ZNF226: variants seen among roughly 807,000 people sequenced by gnomAD.
ZNF226 encodes the protein Kruppel-associated box protein.
In ZNF226, 6 loss-of-function variants were observed where a neutral mutation model predicts 11.4. The observed-to-expected ratio is 0.53, with a 90% CI of 0.29 to 1.04. ZNF226 has a LOEUF of 1.04. Among genes scored for constraint, ZNF226 ranks in the 50% least tolerant of loss-of-function variants. The probability of loss-of-function intolerance (pLI) is 0.08; values close to 1 mark genes in which losing one functional copy is unlikely to be tolerated. For synonymous variants in ZNF226, 350 were observed against 322.8 expected (o/e 1.08, Z -0.90); for missense variants, 1,058 against 956.5 (o/e 1.11, Z -1.40).
the ZNF226 span, among the ~76,000 whole-genome samples, chr19:44,195,823 A>G: frequency 6.6e-6 from 1 of 152,224 alleles, no homozygotes; most frequent in Admixed American, 6.5e-5. Flanking sequence ...CCAGTCTTTT[A>G]GTCCATACAT....
At chr19:44,196,042 T>C in the ZNF226 span, among the ~76,000 whole-genome samples, 1 of 152,032 alleles carries the variant, frequency 6.6e-6, no homozygotes, top group African/African-American at 2.4e-5. Flanking sequence ...TCATAGTTTT[T>C]TTTTTTCCCA....
chr19:44,172,171 C>T lies in ZNF226; in HGVS notation c.99C>T (p.Tyr33=), dbSNP rs751816926. ...GLLGPAQRKL[Y]RDVMVENFRN... Reference sequence around the variant, plus strand: ...TGGGCCCTGCCCAGAGGAAGCTGTACCGAGATGTGATGGTGGAGAACTTTA... The same window carrying T: ...TGGGCCCTGCCCAGAGGAAGCTGTATCGAGATGTGATGGTGGAGAACTTTA... The change falls in exon 4 of 6, where the codon TAC becomes TAT. Residue 33 remains tyrosine (Y), a synonymous_variant. Transcript: ENST00000337433. 1 of 1,612,970 alleles carries T rather than the reference C, an allele frequency of 6.2e-7. No homozygotes were observed. The highest frequency in any genetic ancestry group is 8.5e-7 in the Non-Finnish European group (1 of 1,179,296).
the ZNF226 span, among the ~76,000 whole-genome samples, chr19:44,184,761 T>C: frequency 6.6e-6 from 1 of 152,164 alleles, no homozygotes; most frequent in Admixed American, 6.5e-5. Context: ...TTTATTATGG[T>C]ACAAAAACAC....
intron 4 of ZNF226, chr19:44,172,621 T>A (rs1970234901): frequency 2.0e-6 from 1 of 505,006 alleles, no homozygotes; most frequent in Non-Finnish European, 3.5e-6. Context: ...AATGGGAGAT[T>A]TAAGGAAAAC....
At chr19:44,168,135 G>GT (rs1365063058) in intron 2 of ZNF226, among the ~76,000 whole-genome samples, 1 of 151,804 alleles carries the variant, frequency 6.6e-6, no homozygotes, top group Non-Finnish European at 1.5e-5. Context: ...AAGCTGTTTT[G>GT]TTTTTTTCTT....
At chr19:44,173,022 G>GC (rs1970285709) in intron 5 of ZNF226, 70 bp downstream of exon 5, 1 of 1,422,570 alleles carries the variant, frequency 7.0e-7, no homozygotes, top group Admixed American at 2.0e-5. Flanking sequence ...TAGCCTTGTT[G>GC]CCATCACCTG....
At chr19:44,193,993 T>A in the ZNF226 span, among the ~76,000 whole-genome samples, 10 of 152,322 alleles carry the variant, frequency 6.6e-5, no homozygotes, top group South Asian at 2.1e-3. Context: ...GCCCAAAAAT[T>A]TTGTCAAAAG....
chr19:44,178,935 T>C (rs912867051), downstream of ZNF226, among the ~76,000 whole-genome samples: 1 of 152,186 alleles, frequency 6.6e-6, no homozygotes. Flanking sequence ...ATCCCCGTAC[T>C]TTGGGAGGCC....
chr19:44,172,070 C>T lies in ZNF226; in HGVS notation c.16-18C>T, dbSNP rs1332555102. The T allele has an allele frequency of 1.2e-6, 2 of 1,607,208 alleles. No individual in the cohort carries two copies. The highest frequency in any genetic ancestry group is 1.1e-5 in the South Asian group (1 of 90,998). On this transcript the variant is annotated intron_variant, in intron 3 of 5. Transcript: ENST00000337433. ...TGGACATTGGTTGTAAGATTGAGGT[C>T]ATTTGTTTTTGTCGTAGGAAGCAGT...
At chr19:44,185,550 C>G in the ZNF226 span, among the ~76,000 whole-genome samples, 20 of 152,028 alleles carry the variant, frequency 1.3e-4, no homozygotes, top group Admixed American at 7.2e-4. Flanking sequence ...TGTATCTTCT[C>G]TGGACATGTG....
Position 44,176,283 on chromosome 19 carries a change from G to A in ZNF226, c.1021G>A (p.Gly341Arg), listed in dbSNP as rs1268552677. 1 of 1,614,180 alleles carries A rather than the reference G, an allele frequency of 6.2e-7. No homozygotes were observed. Among genetic ancestry groups the A allele is most frequent in the Admixed American group, 1.7e-5 (1 of 60,028 alleles). Residue 341 changes from glycine to arginine, a missense_variant, in exon 6 of 6, where the codon GGG becomes AGG. Coordinates refer to ENST00000337433, the MANE Select transcript of ZNF226 (RefSeq NM_001032373.2). Reference protein sequence around the residue: ...IEKPYKCKQCGKGFSRRSALN... With the variant: ...IEKPYKCKQCRKGFSRRSALN... ...GAAACCATACAAATGTAAGCAATGT[G>A]GGAAAGGTTTCAGTCGTAGATCAGC...
chr19:44,175,427 GT>G, intron 5 of ZNF226, 70 bp from the exon 6 acceptor site: 3 of 1,508,564 alleles, frequency 2.0e-6, no homozygotes, highest in Non-Finnish European at 2.6e-6. Context: ...CTTTTACTCT[GT>G]CCTCAGTGTG....
Position 44,175,891 on chromosome 19 carries a change from C to T in ZNF226, c.629C>T (p.Ser210Leu), listed in dbSNP as rs1376707104. The stretch of plus-strand genomic sequence containing the variant: ...GGTGTTGATCCCATCGGTTGGATTT[C>T]ACATCATGATGGTCATAGAGTACAC... ...KKGVDPIGWI[S>L]HHDGHRVHKS... Residue 210 changes from serine to leucine, a missense_variant, in exon 6 of 6, where the codon TCA (serine) becomes TTA (leucine). Ser to Leu is a moderately radical substitution (Grantham distance 145). Transcript: ENST00000337433. The T allele has an allele frequency of 6.2e-7, 1 of 1,612,720 alleles. No individual in the cohort carries two copies. Among genetic ancestry groups the T allele is most frequent in the African/African-American group, 1.3e-5 (1 of 74,810 alleles).
In ZNF226 at chr19:44,166,139, A is replaced by G. The variant is rs1467082113; in HGVS notation, c.-47+332A>G. Among the ~76,000 whole-genome samples, 4 of 152,240 alleles carry G rather than the reference A, an allele frequency of 2.6e-5. 1 individual carries two copies. The highest frequency in any genetic ancestry group is 5.9e-5 in the Non-Finnish European group (4 of 68,044). On this transcript the variant is annotated intron_variant, in intron 2 of 5. Coordinates refer to ENST00000337433, the MANE Select transcript of ZNF226 (RefSeq NM_001032373.2). The stretch of plus-strand genomic sequence containing the variant: ...CATGAGCCATAGGCAGCTGGCTAGT[A>G]TCATGTGAAAATAGGTTGGGACTTC...
chr19:44,193,856 T>G, the ZNF226 span, among the ~76,000 whole-genome samples: 1 of 152,232 alleles, frequency 6.6e-6, no homozygotes, highest in Admixed American at 6.5e-5. Context: ...AATTATTTTT[T>G]AAATGTGCAT....
At chr19:44,191,188 T>TA in the ZNF226 span, among the ~76,000 whole-genome samples, 1 of 152,200 alleles carries the variant, frequency 6.6e-6, no homozygotes, top group Non-Finnish European at 1.5e-5. Context: ...TAAGAGTACT[T>TA]ATTAGAGTCT....
At chr19:44,194,066 G>T in the ZNF226 span, among the ~76,000 whole-genome samples, 1 of 152,094 alleles carries the variant, frequency 6.6e-6, no homozygotes, top group Non-Finnish European at 1.5e-5. Context: ...TTTTATACTT[G>T]GCAGATGGCC....
downstream of ZNF226, among the ~76,000 whole-genome samples, chr19:44,182,061 T>A (rs1035954844): frequency 6.6e-6 from 1 of 152,212 alleles, no homozygotes; most frequent in Non-Finnish European, 1.5e-5. Context: ...TTTGCTGATA[T>A]GGGTGTAGTG....
Position 44,176,546 on chromosome 19 carries a change from C to CA in ZNF226, c.1285dup (p.Ile429AsnfsTer3). 6.2e-7 allele frequency: 1 copy of CA among 1,614,012 alleles called. No individual in the cohort carries two copies. The highest frequency in any genetic ancestry group is 8.5e-7 in the Non-Finnish European group (1 of 1,179,996). ...AATGTGAGGAGTGTGGTAAGGGCTT[C>CA]ATTTGTAGCTCAAATCTTTACATTC... On this transcript the variant is annotated frameshift_variant, in exon 6 of 6. Transcript: ENST00000337433. LOFTEE classifies it low-confidence loss of function (END_TRUNC).
Sources: gnomAD v4.1 joint callset for allele counts (sites outside exome capture counted in the v4.1 genomes callset) on GRCh38, gnomAD v4.1.1 for gene constraint, MANE v1.5 for transcripts, NCBI Gene and HGNC (gene_info 2026-07-23, HGNC 2026-07-21) for gene names.